FAM219A: variants seen among roughly 807,000 people sequenced by gnomAD.
The protein encoded by FAM219A is protein FAM219A.
FAM219A carries 7 observed loss-of-function variants against 23.4 expected under a neutral mutation model. The ratio of observed to expected loss-of-function variants is 0.30; its 90% confidence interval spans 0.17 to 0.56. The LOEUF (loss-of-function observed/expected upper bound fraction) is 0.56, where lower values mean the gene tolerates loss of function less well. Ranked by LOEUF, FAM219A falls within the 20% of genes least tolerant of loss-of-function variation. The probability of loss-of-function intolerance (pLI) is 0.92; values close to 1 mark genes in which losing one functional copy is unlikely to be tolerated. For missense variants in FAM219A, 166 were observed against 246.9 expected (o/e 0.67, Z 2.20); for synonymous variants, 93 against 99.0 (o/e 0.94, Z 0.36).
intron 1 of FAM219A, among the ~76,000 whole-genome samples, chr9:34,439,569 C>T (rs1480176185): frequency 6.6e-6 from 1 of 152,038 alleles, no homozygotes; most frequent in African/African-American, 2.4e-5. Context: ...TAGGGATTGT[C>T]CTCTGTGATG....
At chr9:34,416,865 G>A (rs557542425) in intron 1 of FAM219A, among the ~76,000 whole-genome samples, 165 of 140,762 alleles carry the variant, frequency 1.2e-3, no homozygotes, top group African/African-American at 4.3e-3. Flanking sequence ...TGCTCAGGAT[G>A]GAGTGCAGCG....
chr9:34,411,217 T>C (rs1172151310), intron 1 of FAM219A, among the ~76,000 whole-genome samples: 1 of 152,144 alleles, frequency 6.6e-6, no homozygotes, highest in Non-Finnish European at 1.5e-5. Flanking sequence ...TACAATTCTT[T>C]CATTTATTTA....
At chr9:34,455,516 G>A (rs1823699437) in intron 1 of FAM219A, among the ~76,000 whole-genome samples, 1 of 148,886 alleles carries the variant, frequency 6.7e-6, no homozygotes, top group Non-Finnish European at 1.5e-5. Flanking sequence ...GCCCAGGCTG[G>A]AATGTAGTGG....
chr9:34,449,029 C>A (rs1823471246), intron 1 of FAM219A, among the ~76,000 whole-genome samples: 1 of 151,272 alleles, frequency 6.6e-6, no homozygotes, highest in Non-Finnish European at 1.5e-5. Flanking sequence ...GGGATAGCCA[C>A]ACTGGTTTAA....
chr9:34,440,949 G>A (rs960220273), intron 1 of FAM219A, among the ~76,000 whole-genome samples: 3 of 152,118 alleles, frequency 2.0e-5, no homozygotes, highest in Admixed American at 2.0e-4. Flanking sequence ...ATAGCACTTA[G>A]AGCCTTTAAC....
chr9:34,414,396 G>A (rs1286998903), intron 1 of FAM219A, among the ~76,000 whole-genome samples: 1 of 152,206 alleles, frequency 6.6e-6, no homozygotes, highest in Admixed American at 6.5e-5. Flanking sequence ...CCAGGCAATT[G>A]GCCAGGACTT....
chr9:34,443,908 G>C (rs1264850707), intron 1 of FAM219A, among the ~76,000 whole-genome samples: 2 of 152,190 alleles, frequency 1.3e-5, no homozygotes, highest in African/African-American at 4.8e-5. Context: ...CTAACAGATG[G>C]TCAAATCTTG....
chr9:34,400,930 G>GGCCCC lies in FAM219A; in HGVS notation c.*29_*33dup. The GGCCCC allele has an allele frequency of 6.7e-7, 1 of 1,498,702 alleles. No homozygotes were observed. Among genetic ancestry groups the GGCCCC allele is most frequent in the Admixed American group, 2.2e-5 (1 of 44,940 alleles). The allele number at this position is 1,498,702 out of a possible 1,614,324, so 92.8% of individuals were successfully genotyped here. A position where few individuals can be genotyped will look rare whatever the true frequency, so the allele number is the denominator to read the frequency against. On this transcript the variant is annotated 3_prime_UTR_variant, in exon 6 of 6. Transcript: ENST00000651358. ...CTGCCCGTCCTACCCGGCCCTTGGC[G>GGCCCC]GCCCCGCCCCGGCGACCGCAGTGGC...
In FAM219A at chr9:34,439,430, G is replaced by A. The variant is rs894017758; in HGVS notation, c.60+18774C>T. Among the ~76,000 whole-genome samples, 4 of 152,296 alleles carry A rather than the reference G, an allele frequency of 2.6e-5. No individual in the cohort carries two copies. In the East Asian group the frequency reaches 7.7e-4, roughly 29 times the overall value. On this transcript the variant is annotated intron_variant, in intron 1 of 5. Transcript: ENST00000651358. ...TATGTGAAGGCACAGGAGACAAATGGTAAGTAAAAATGAATCTGGTTTCAT... is the reference window on the plus strand; with the variant it reads ...TATGTGAAGGCACAGGAGACAAATGATAAGTAAAAATGAATCTGGTTTCAT...
rs760074479 is a variant in FAM219A, at chr9:34,401,029, T to TG, written c.492dup (p.Lys165GlnfsTer39). On this transcript the variant is annotated frameshift_variant, in exon 6 of 6. Transcript: ENST00000651358. LOFTEE classifies it high-confidence loss of function. ...CACATGCACGTGGGGTTCACGGACTTGGGGGGGATGAGGTCTAGGTCCTCG... is the reference window on the plus strand; with the variant it reads ...CACATGCACGTGGGGTTCACGGACTTGGGGGGGGATGAGGTCTAGGTCCTCG... 1.2e-6 allele frequency: 2 copies of TG among 1,604,280 alleles called. No individual in the cohort carries two copies.
rs1209943832 is a variant in FAM219A, at chr9:34,458,287, G to C, written c.-24C>G. Reference sequence around the variant, plus strand: ...ATGGTGCCGGCGGGCGAGCGGGCCAGGGGCCGGGCGCGGCCGCGGACGCCG... The same window carrying C: ...ATGGTGCCGGCGGGCGAGCGGGCCACGGGCCGGGCGCGGCCGCGGACGCCG... On this transcript the variant is annotated 5_prime_UTR_variant, in exon 1 of 6. Coordinates refer to ENST00000651358, the MANE Select transcript of FAM219A (RefSeq NM_001184940.2). The surrounding 1 kb of genome is among the most constrained non-coding windows in gnomAD (Gnocchi z 6.6). The C allele has an allele frequency of 1.4e-6, 2 of 1,402,188 alleles. No individual in the cohort carries two copies. The highest frequency in any genetic ancestry group is 5.7e-5 in the Admixed American group (2 of 35,190). 86.9% of individuals were successfully genotyped at this position (1,402,188 alleles called of 1,614,324 possible).
chr9:34,420,650 A>G (rs1386368098), intron 1 of FAM219A, among the ~76,000 whole-genome samples: 1 of 152,146 alleles, frequency 6.6e-6, no homozygotes, highest in Non-Finnish European at 1.5e-5. Flanking sequence ...GAAGGCAATC[A>G]GGGACTGAGA....
intron 1 of FAM219A, among the ~76,000 whole-genome samples, chr9:34,433,057 G>A (rs1822772839): frequency 6.6e-6 from 1 of 152,064 alleles, no homozygotes; most frequent in Admixed American, 6.5e-5. Flanking sequence ...GAGAGTCTTT[G>A]TATTCACTTC....
At chr9:34,419,331 T>A in intron 1 of FAM219A, among the ~76,000 whole-genome samples, 1 of 151,534 alleles carries the variant, frequency 6.6e-6, no homozygotes, top group South Asian at 2.1e-4. Context: ...ACCAGGGGAG[T>A]TGGACGGGGC....
chr9:34,456,669 A>G (rs559676486), intron 1 of FAM219A, among the ~76,000 whole-genome samples: 1 of 152,222 alleles, frequency 6.6e-6, no homozygotes, highest in East Asian at 1.9e-4. Flanking sequence ...TCCTTCTTTA[A>G]GTTCATGGGA....
chr9:34,418,579 G>A (rs1308524640), intron 1 of FAM219A, among the ~76,000 whole-genome samples: 1 of 152,202 alleles, frequency 6.6e-6, no homozygotes, highest in Non-Finnish European at 1.5e-5. Context: ...CCCTTAGCCA[G>A]ATGTTGAGGA....
At chr9:34,450,573 C>G (rs1823530711) in intron 1 of FAM219A, among the ~76,000 whole-genome samples, 1 of 152,092 alleles carries the variant, frequency 6.6e-6, no homozygotes. Context: ...TGGCCACCAC[C>G]ATGCCCGGCT....
At chr9:34,424,400 A>G (rs116114288) in intron 1 of FAM219A, among the ~76,000 whole-genome samples, 1,577 of 151,782 alleles carry the variant, frequency 0.01, 32 homozygotes, top group African/African-American at 0.036. Flanking sequence ...AAGTCCAGTC[A>G]CGGTCCAGAG....
chr9:34,424,681 G>C (rs1459807110), intron 1 of FAM219A, among the ~76,000 whole-genome samples: 1 of 152,168 alleles, frequency 6.6e-6, no homozygotes, highest in Non-Finnish European at 1.5e-5. Context: ...TGAGAATCCA[G>C]AACACAGAGA....
Sources: gnomAD v4.1 joint callset for allele counts (sites outside exome capture counted in the v4.1 genomes callset) on GRCh38, gnomAD v4.1.1 for gene constraint, Gnocchi (gnomAD v3.1) non-coding constraint, MANE v1.5 for transcripts, NCBI Gene and HGNC (gene_info 2026-07-23, HGNC 2026-07-21) for gene names.